Variants in SPTLC2 observed in about 807,000 individuals in gnomAD.
SPTLC2 encodes serine palmitoyltransferase 2.
Under a neutral mutation model 62.0 loss-of-function variants are expected in SPTLC2, and 21 were observed. The ratio of observed to expected loss-of-function variants is 0.34; its 90% CI spans 0.24 to 0.49. SPTLC2 has a LOEUF of 0.49. Ranked by LOEUF, SPTLC2 falls within the 20% of genes least tolerant of loss-of-function variation. The pLI is 0.99. For missense variants in SPTLC2, 511 were observed against 713.0 expected (o/e 0.72, Z 3.23); for synonymous variants, 261 against 261.8 (o/e 1.00, Z 0.03).
intron 1 of SPTLC2, among the ~76,000 whole-genome samples, chr14:77,608,131 C>A (rs1385101210): frequency 6.6e-6 from 1 of 152,190 alleles, no homozygotes; most frequent in Non-Finnish European, 1.5e-5. Flanking sequence ...GGTGATGAAG[C>A]ATATCAGAGT....
chr14:77,601,886 TC>T (rs1259313050), intron 1 of SPTLC2, among the ~76,000 whole-genome samples: 1 of 152,216 alleles, frequency 6.6e-6, no homozygotes, highest in African/African-American at 2.4e-5. Flanking sequence ...GACCCAAAAC[TC>T]CGGTGCCGGT....
At chr14:77,570,254 TG>T in intron 5 of SPTLC2, 129 bp downstream of exon 5, 1 of 1,136,212 alleles carries the variant, frequency 8.8e-7, no homozygotes, top group Non-Finnish European at 1.3e-6. Flanking sequence ...AAACAATTTG[TG>T]GTAGAAATAT....
chr14:77,610,042 G>C (rs2079926760), intron 1 of SPTLC2, among the ~76,000 whole-genome samples: 1 of 152,168 alleles, frequency 6.6e-6, no homozygotes, highest in Non-Finnish European at 1.5e-5. Context: ...CACCAGCAAT[G>C]TATCAGGATT....
At chr14:77,531,556 C>T (rs970517719) in intron 9 of SPTLC2, among the ~76,000 whole-genome samples, 20 of 141,148 alleles carry the variant, frequency 1.4e-4, no homozygotes, top group African/African-American at 4.9e-4. Context: ...TTTTGTTGCC[C>T]AGGCTGGAGT....
intron 9 of SPTLC2, among the ~76,000 whole-genome samples, chr14:77,525,130 A>G (rs2079402625): frequency 1.3e-5 from 2 of 148,520 alleles, no homozygotes; most frequent in Admixed American, 6.7e-5. Context: ...TTATGTATCA[A>G]TTTTTAAAAA....
intron 9 of SPTLC2, among the ~76,000 whole-genome samples, chr14:77,523,483 G>T (rs2142183): frequency 2.0e-5 from 3 of 151,880 alleles, no homozygotes; most frequent in Non-Finnish European, 4.4e-5. Flanking sequence ...CAGGGAGGTG[G>T]GGTGCGATGA....
rs557123464 is a variant in SPTLC2 at position 77,522,855 on chromosome 14, T to TGA, written c.1304-1276_1304-1275dup. On this transcript the variant is annotated intron_variant, in intron 9 of 11. Transcript: ENST00000216484. ...GCATGATACATGACATAAGTTCTTA[T>TGA]GACAAATTAACCAGACATACAGATA... Among the ~76,000 whole-genome samples the TGA allele has an allele frequency of 9.8e-5, 15 of 152,336 alleles. No individual in the cohort carries two copies. In the East Asian group the frequency reaches 1.3e-3, roughly 14 times the overall value.
At chr14:77,526,479 T>C (rs973675895) in intron 9 of SPTLC2, among the ~76,000 whole-genome samples, 9 of 152,210 alleles carry the variant, frequency 5.9e-5, no homozygotes, top group Admixed American at 1.3e-4. Flanking sequence ...ATAAAAAGCA[T>C]AAAAGCAATT....
chr14:77,544,337 C>A (rs990510026), intron 9 of SPTLC2, among the ~76,000 whole-genome samples: 1 of 152,142 alleles, frequency 6.6e-6, no homozygotes, highest in Non-Finnish European at 1.5e-5. Flanking sequence ...CTTTTCAATG[C>A]ATATTCTAGG....
At chr14:77,529,261 T>C (rs1295900921) in intron 9 of SPTLC2, among the ~76,000 whole-genome samples, 2 of 149,132 alleles carry the variant, frequency 1.3e-5, no homozygotes, top group Admixed American at 6.6e-5. Context: ...TTCTTTTTTT[T>C]TTTTTTTTTT....
rs375669404 is a variant in SPTLC2 at position 77,555,406 on chromosome 14, C to T, written c.1070G>A (p.Arg357Gln). The T allele has an allele frequency of 4.2e-5, 67 of 1,614,200 alleles. No homozygotes were observed. In the South Asian group the frequency reaches 4.5e-4, roughly 11 times the overall value. Residue 357 changes from arginine (R) to glutamine (Q), a missense_variant, in exon 8 of 12, where the codon CGG (arginine) becomes CAG (glutamine). Physicochemically the swap from Arg to Gln is conservative, Grantham distance 43 (BLOSUM62 1). Transcript: ENST00000216484. ...CAGGCCAAAGTACTCCACCACACCC[C>T]GGCCTGTGGGGCCCAGGGCGCCAAT... ...HSIGALGPTG[R>Q]GVVEYFGLDP...
chr14:77,562,705 T>C (rs1373718838), intron 5 of SPTLC2, among the ~76,000 whole-genome samples: 1 of 152,258 alleles, frequency 6.6e-6, no homozygotes. Flanking sequence ...AGCCTTTTAA[T>C]TTAATATCTT....
At chr14:77,577,915 TG>T (rs1300492216) in intron 3 of SPTLC2, among the ~76,000 whole-genome samples, 1 of 151,198 alleles carries the variant, frequency 6.6e-6, no homozygotes, top group African/African-American at 2.5e-5. Context: ...GAGGCCAAGG[TG>T]GGCAGATCAC....
chr14:77,573,683 A>G (rs2079697316), intron 4 of SPTLC2, among the ~76,000 whole-genome samples: 1 of 152,124 alleles, frequency 6.6e-6, no homozygotes, highest in Admixed American at 6.5e-5. Flanking sequence ...GGTGGAGTGC[A>G]GTGGTGTGAT....
At chr14:77,518,408 C>A (rs1166491548) in intron 10 of SPTLC2, among the ~76,000 whole-genome samples, 1 of 152,064 alleles carries the variant, frequency 6.6e-6, no homozygotes, top group African/African-American at 2.4e-5. Flanking sequence ...CCAGCCTGGG[C>A]AACATGGTGA....
chr14:77,528,530 C>A (rs28393685), intron 9 of SPTLC2, among the ~76,000 whole-genome samples: 2 of 151,916 alleles, frequency 1.3e-5, no homozygotes, highest in Admixed American at 6.6e-5. Flanking sequence ...TGCGCCCAGC[C>A]CCCCCTTTTC....
intron 9 of SPTLC2, among the ~76,000 whole-genome samples, chr14:77,535,076 C>T (rs545199565): frequency 9.2e-5 from 14 of 152,228 alleles, no homozygotes; most frequent in East Asian, 7.7e-4. Flanking sequence ...TACAGGCATG[C>T]GCCACCACAC....
At position 77,608,716 on chromosome 14, in the gene SPTLC2, ACT is replaced by A. The variant is rs202114030; in HGVS notation, c.132+7730_132+7731del. Reference sequence around the variant, plus strand: ...AGATGGACTTGGAGTAGGGAAGAGAACTCTGTGAAAAAGCTTTCCAGGCTGAG... The same window carrying A: ...AGATGGACTTGGAGTAGGGAAGAGAACTGTGAAAAAGCTTTCCAGGCTGAG... On this transcript the variant is annotated intron_variant, in intron 1 of 11. Coordinates refer to ENST00000216484, the MANE Select transcript of SPTLC2 (RefSeq NM_004863.4). Among the ~76,000 whole-genome samples, 560 of 152,042 alleles carry A rather than the reference ACT, an allele frequency of 3.7e-3. 4 individuals are homozygous for A. Among genetic ancestry groups the A allele is most frequent in the African/African-American group, 0.013 (535 of 41,464 alleles).
At chr14:77,551,301 G>C (rs1006799393) in intron 9 of SPTLC2, among the ~76,000 whole-genome samples, 1 of 144,368 alleles carries the variant, frequency 6.9e-6, no homozygotes, top group Non-Finnish European at 1.5e-5. Context: ...GGCTGAGGCA[G>C]AATGGTGTGA....
Sources: gnomAD v4.1 joint callset for allele counts (sites outside exome capture counted in the v4.1 genomes callset) on GRCh38, gnomAD v4.1.1 for gene constraint, MANE v1.5 for transcripts, NCBI Gene and HGNC (gene_info 2026-07-23, HGNC 2026-07-21) for gene names.